CHST9: variants seen among roughly 807,000 people sequenced by gnomAD.
CHST9 encodes GalNAc-4-sulfotransferase 2.
CHST9 carries 41 observed loss-of-function variants against 44.4 expected under a neutral mutation model. That is an observed-to-expected ratio of 0.92 (90% CI 0.72 to 1.20). The LOEUF (loss-of-function observed/expected upper bound fraction) is 1.20. CHST9 is among the 50% of genes most tolerant of loss of function. The pLI, the probability that CHST9 is intolerant of heterozygous loss-of-function variation, is 0.00. For synonymous variants in CHST9, 171 were observed against 178.4 expected (o/e 0.96, Z 0.33); for missense variants, 504 against 516.5 (o/e 0.98, Z 0.23).
chr18:27,006,467 T>C (rs978306952), intron 4 of CHST9, among the ~76,000 whole-genome samples: 3 of 152,210 alleles, frequency 2.0e-5, no homozygotes, highest in Non-Finnish European at 1.5e-5. Context: ...CCATATAAAT[T>C]TTTATTATAA....
At chr18:27,112,988 G>T (rs1238132909) in intron 2 of CHST9, among the ~76,000 whole-genome samples, 1 of 151,996 alleles carries the variant, frequency 6.6e-6, no homozygotes, top group Non-Finnish European at 1.5e-5. Context: ...AAGAGATCGA[G>T]ACTATCCTGG....
At chr18:27,125,224 C>T (rs1320712464) in intron 2 of CHST9, among the ~76,000 whole-genome samples, 2 of 152,006 alleles carry the variant, frequency 1.3e-5, no homozygotes, top group African/African-American at 4.8e-5. Flanking sequence ...ACTGTGAGAG[C>T]CCTAATTTAT....
intron 3 of CHST9, among the ~76,000 whole-genome samples, chr18:27,037,386 G>A (rs1017919977): frequency 1.4e-4 from 21 of 152,100 alleles, no homozygotes; most frequent in Admixed American, 5.9e-4. Context: ...CAACTCAGTG[G>A]TCTCTGAAAA....
chr18:27,058,767 G>A (rs1443412188), intron 2 of CHST9, among the ~76,000 whole-genome samples: 3 of 152,062 alleles, frequency 2.0e-5, no homozygotes, highest in African/African-American at 7.2e-5. Context: ...CTCAGCAAAC[G>A]CCATGTGGAT....
At chr18:27,182,077 C>G (rs566883593) in intron 1 of CHST9, among the ~76,000 whole-genome samples, 11 of 152,232 alleles carry the variant, frequency 7.2e-5, no homozygotes, top group Middle Eastern at 3.4e-3. Context: ...AAGACAAACA[C>G]AAATGACTTT....
At chr18:27,079,518 C>A (rs550778495) in intron 2 of CHST9, among the ~76,000 whole-genome samples, 16 of 151,876 alleles carry the variant, frequency 1.1e-4, no homozygotes, top group Middle Eastern at 3.4e-3. Flanking sequence ...ATTAAGGATT[C>A]CCTGCATAAA....
intron 5 of CHST9, 53 bp from the exon 6 acceptor site, chr18:26,917,403 T>C: frequency 6.4e-7 from 1 of 1,552,568 alleles, no homozygotes; most frequent in Non-Finnish European, 8.7e-7. Flanking sequence ...AGTGTGGGTA[T>C]ACTGGATAAG....
At chr18:27,143,610 T>C (rs1463901930) in intron 1 of CHST9, among the ~76,000 whole-genome samples, 1 of 149,392 alleles carries the variant, frequency 6.7e-6, no homozygotes, top group Admixed American at 6.7e-5. Context: ...TTTAAAAAAA[T>C]TGCATCCTTT....
chr18:27,182,969 T>A (rs887701609), intron 1 of CHST9, among the ~76,000 whole-genome samples: 7 of 152,196 alleles, frequency 4.6e-5, no homozygotes, highest in Non-Finnish European at 1.0e-4. Context: ...CTGGAAACCA[T>A]ACTAAGTTTC....
intron 2 of CHST9, among the ~76,000 whole-genome samples, chr18:27,072,948 G>A (rs1400401444): frequency 6.6e-6 from 1 of 152,108 alleles, no homozygotes; most frequent in Non-Finnish European, 1.5e-5. Flanking sequence ...AGAGTCTCAG[G>A]TTACATTTCA....
chr18:27,139,087 A>G (rs2058541794), intron 2 of CHST9, among the ~76,000 whole-genome samples: 1 of 152,198 alleles, frequency 6.6e-6, no homozygotes, highest in African/African-American at 2.4e-5. Context: ...ATCCTTTACC[A>G]GTATATCAGA....
rs527916482 is a variant in CHST9, at chr18:27,159,585, A to G, written c.-96-16680T>C. 3.9e-3 allele frequency among the ~76,000 whole-genome samples: 601 copies of G among 152,250 alleles called. 1 individual carries two copies. Among genetic ancestry groups the G allele is most frequent in the Middle Eastern group, 0.02 (6 of 294 alleles). On this transcript the variant is annotated intron_variant, in intron 1 of 5. Transcript: ENST00000618847. ...TCTTTTGGCTTAGGATTGACTTGGC[A>G]ATGCAGGCTCGTTTTTGGTTCCATA...
At chr18:27,032,206 C>T (rs567526906) in intron 3 of CHST9, among the ~76,000 whole-genome samples, 12 of 152,270 alleles carry the variant, frequency 7.9e-5, no homozygotes, top group Admixed American at 6.5e-4. Flanking sequence ...TGTCTCTGTG[C>T]TCTGTAGCCT....
intron 2 of CHST9, among the ~76,000 whole-genome samples, chr18:27,126,897 A>G (rs911194212): frequency 9.9e-5 from 15 of 152,164 alleles, no homozygotes; most frequent in African/African-American, 2.7e-4. Flanking sequence ...AATGGGATAG[A>G]GAGAAGTAGA....
chr18:26,970,735 G>GT (rs367960329), intron 4 of CHST9, among the ~76,000 whole-genome samples: 30 of 152,134 alleles, frequency 2.0e-4, no homozygotes, highest in African/African-American at 7.0e-4. Flanking sequence ...GCTGAGGAAG[G>GT]TATCATCATA....
At chr18:27,003,079 T>C (rs2056972590) in intron 4 of CHST9, among the ~76,000 whole-genome samples, 1 of 152,150 alleles carries the variant, frequency 6.6e-6, no homozygotes, top group South Asian at 2.1e-4. Context: ...AATTTTAAAA[T>C]AATAATTGTG....
chr18:27,138,038 A>G (rs537138852), intron 2 of CHST9, among the ~76,000 whole-genome samples: 1 of 152,018 alleles, frequency 6.6e-6, no homozygotes, highest in South Asian at 2.1e-4. Context: ...TAGCACTTCT[A>G]TCTGGTCAGC....
At chr18:26,922,157 T>A (rs1324542237) in intron 5 of CHST9, among the ~76,000 whole-genome samples, 4 of 152,160 alleles carry the variant, frequency 2.6e-5, no homozygotes, top group Admixed American at 6.5e-5. Flanking sequence ...CTCCTTTTGC[T>A]TTTTTTGCTT....
intron 2 of CHST9, among the ~76,000 whole-genome samples, chr18:27,068,324 A>G (rs184616702): frequency 6.6e-6 from 1 of 151,368 alleles, no homozygotes; most frequent in African/African-American, 2.4e-5. Context: ...TGAGCTATTC[A>G]TTTATTTCTT....
Sources: gnomAD v4.1 joint callset for allele counts (sites outside exome capture counted in the v4.1 genomes callset) on GRCh38, gnomAD v4.1.1 for gene constraint, MANE v1.5 for transcripts, NCBI Gene and HGNC (gene_info 2026-07-23, HGNC 2026-07-21) for gene names.